SLC35A1: variants seen among roughly 807,000 people sequenced by gnomAD.
SLC35A1 encodes the protein CMP-sialic acid transporter.
SLC35A1 carries 21 observed loss-of-function variants against 40.3 expected under a neutral mutation model. The observed-to-expected ratio is 0.52, with a 90% CI of 0.37 to 0.75. SLC35A1 has a LOEUF of 0.75. SLC35A1 is among the 30% of genes least tolerant of loss of function. The probability of loss-of-function intolerance (pLI) is 0.00; values close to 1 mark genes in which losing one functional copy is unlikely to be tolerated. For synonymous variants in SLC35A1, 146 were observed against 147.3 expected, an observed-to-expected ratio of 0.99 and a Z score of 0.06; for missense variants, 297 against 382.1, an observed-to-expected ratio of 0.78 and a Z score of 1.86.
intron 2 of SLC35A1, among the ~76,000 whole-genome samples, chr6:87,492,030 G>A (rs1426869059): frequency 6.6e-6 from 1 of 152,176 alleles, no homozygotes; most frequent in East Asian, 1.9e-4. Flanking sequence ...GTGTGAACAT[G>A]TATAGAATTT....
intron 2 of SLC35A1, among the ~76,000 whole-genome samples, chr6:87,482,865 C>T (rs1339736082): frequency 6.6e-6 from 1 of 152,150 alleles, no homozygotes; most frequent in Non-Finnish European, 1.5e-5. Flanking sequence ...GGTGTGCTCA[C>T]AATGAGGTTT....
At chr6:87,499,239 A>G in intron 2 of SLC35A1, 1 of 445,676 alleles carries the variant, frequency 2.2e-6, no homozygotes, top group Non-Finnish European at 3.0e-6. Context: ...GCATTTAAAA[A>G]TGAAAAAATT....
chr6:87,499,216 A>G, intron 2 of SLC35A1: 4 of 608,762 alleles, frequency 6.6e-6, no homozygotes, highest in Non-Finnish European at 8.2e-6. Context: ...GAACTTGGGC[A>G]ATTATATTTG....
intron 1 of SLC35A1, among the ~76,000 whole-genome samples, chr6:87,473,570 A>G (rs1476280777): frequency 2.0e-5 from 3 of 152,166 alleles, no homozygotes; most frequent in Non-Finnish European, 4.4e-5. Context: ...AACAGTCGTT[A>G]ACAGTTCCCA....
At chr6:87,473,504 A>G (rs540930452) in intron 1 of SLC35A1, among the ~76,000 whole-genome samples, 1 of 152,338 alleles carries the variant, frequency 6.6e-6, no homozygotes, top group South Asian at 2.1e-4. Flanking sequence ...TGCAACAACC[A>G]CTAAAGACAT....
intron 2 of SLC35A1, 42 bp downstream of exon 2, chr6:87,477,581 C>T (rs950929302): frequency 2.7e-6 from 4 of 1,477,396 alleles, no homozygotes; most frequent in Non-Finnish European, 3.8e-6. Context: ...ATTTTTCTAC[C>T]TGGTGAGGGT....
chr6:87,501,349 G>T, intron 4 of SLC35A1, 39 bp downstream of exon 4: 1 of 1,591,800 alleles, frequency 6.3e-7, no homozygotes, highest in Non-Finnish European at 8.6e-7. Context: ...CCCATAAATA[G>T]AAAACTTCCT....
At chr6:87,478,276 T>A (rs1769132129) in intron 2 of SLC35A1, among the ~76,000 whole-genome samples, 2 of 152,234 alleles carry the variant, frequency 1.3e-5, no homozygotes, top group Admixed American at 1.3e-4. Context: ...AATCCTAGAC[T>A]GAGATTGTGG....
rs147299785 is a variant in SLC35A1, at chr6:87,475,409, A to G, written c.17-1953A>G. ...GTTATTGCTGTATATTTTTGAAGTCATATTTCTTCCCTTGTGTAGGAAAGT... is the reference window on the plus strand; with the variant it reads ...GTTATTGCTGTATATTTTTGAAGTCGTATTTCTTCCCTTGTGTAGGAAAGT... On this transcript the variant is annotated intron_variant, in intron 1 of 7. Coordinates refer to ENST00000369552, the MANE Select transcript of SLC35A1 (RefSeq NM_006416.5). 4.9e-3 allele frequency among the ~76,000 whole-genome samples: 742 copies of G among 152,324 alleles called. 3 individuals carry two copies. Among genetic ancestry groups the G allele is most frequent in the Non-Finnish European group, 8.5e-3 (576 of 68,024 alleles).
chr6:87,487,522 A>C (rs1307948287), intron 2 of SLC35A1, among the ~76,000 whole-genome samples: 1 of 152,176 alleles, frequency 6.6e-6, no homozygotes, highest in Non-Finnish European at 1.5e-5. Flanking sequence ...ACTTTATTTA[A>C]TGTACATTAT....
intron 4 of SLC35A1, among the ~76,000 whole-genome samples, chr6:87,503,711 CAATAAT>C (rs762381242): frequency 2.6e-5 from 4 of 151,988 alleles, no homozygotes; most frequent in Admixed American, 6.6e-5. Flanking sequence ...GACTCTGTTT[CAATAAT>C]AATAATAATA....
chr6:87,509,625 C>T (rs1029721899), intron 7 of SLC35A1, among the ~76,000 whole-genome samples: 6 of 152,082 alleles, frequency 3.9e-5, no homozygotes, highest in African/African-American at 1.4e-4. Context: ...TTGTACTTTC[C>T]AACTGCTTTG....
chr6:87,502,987 T>A (rs1044190876), intron 4 of SLC35A1, among the ~76,000 whole-genome samples: 3 of 152,166 alleles, frequency 2.0e-5, no homozygotes, highest in Non-Finnish European at 4.4e-5. Context: ...TAGCTTTGGG[T>A]CATTGCTCAG....
At position 87,495,125 on chromosome 6, in the gene SLC35A1, A is replaced by G. The variant is rs377077213; in HGVS notation, c.195-5383A>G. On this transcript the variant is annotated intron_variant, in intron 2 of 7. Transcript: ENST00000369552. ...GCTGGGATTATAGGTGCGTAGCACC[A>G]CACCCAGCTAATTTTGTAGACATGG... Among the ~76,000 whole-genome samples, 476 of 152,214 alleles carry G rather than the reference A, an allele frequency of 3.1e-3. 3 individuals carry two copies. Among genetic ancestry groups the G allele is most frequent in the South Asian group, 7.9e-3 (38 of 4,820 alleles).
chr6:87,511,612 C>A lies in SLC35A1; in HGVS notation c.*86C>A. ...AGTCAATCTCAGAAGGTAGCATAAACAAATAAAAATTAACTGTATGGCATG... is the reference window on the plus strand; with the variant it reads ...AGTCAATCTCAGAAGGTAGCATAAAAAAATAAAAATTAACTGTATGGCATG... On this transcript the variant is annotated 3_prime_UTR_variant, in exon 8 of 8. Coordinates refer to ENST00000369552, the MANE Select transcript of SLC35A1 (RefSeq NM_006416.5). The A allele has an allele frequency of 6.9e-7, 1 of 1,442,126 alleles. No individual in the cohort carries two copies. The highest frequency in any genetic ancestry group is 9.8e-7 in the Non-Finnish European group (1 of 1,025,292). 89.3% of individuals were successfully genotyped at this position (1,442,126 alleles called of 1,614,324 possible).
chr6:87,484,649 C>T (rs756568504), intron 2 of SLC35A1, among the ~76,000 whole-genome samples: 3 of 152,006 alleles, frequency 2.0e-5, no homozygotes, highest in Non-Finnish European at 2.9e-5. Flanking sequence ...GGAGAATGAA[C>T]AGGTAATCTG....
At position 87,509,143 on chromosome 6, in the gene SLC35A1, T is replaced by C; in HGVS notation, c.854T>C (p.Ile285Thr). ...GCAGCGGCCATTGTCCTTTCCACCA[T>C]TGCTTCAGTAATGCTGTTTGGATTA... is the stretch of plus-strand genomic sequence containing the variant. ...SAAAAIVLST[I>T]ASVMLFGLQI... The change falls in exon 7 of 8, where the codon ATT becomes ACT. Residue 285 changes from isoleucine to threonine, a missense_variant. Physicochemically the swap from Ile to Thr is moderately conservative, Grantham distance 89 (BLOSUM62 -1). Transcript: ENST00000369552. 14 of 1,614,166 alleles carry C rather than the reference T, an allele frequency of 8.7e-6. No individual in the cohort carries two copies. The highest frequency in any genetic ancestry group is 1.1e-5 in the Non-Finnish European group (13 of 1,179,980).
At position 87,511,702 on chromosome 6, in the gene SLC35A1, G is replaced by C. The variant is rs1351448837; in HGVS notation, c.*176G>C. 2.9e-6 allele frequency: 2 copies of C among 691,430 alleles called. No homozygotes were observed. Among genetic ancestry groups the C allele is most frequent in the East Asian group, 5.5e-5 (2 of 36,534 alleles). The allele number at this position is 691,430 out of a possible 1,614,324, so 42.8% of individuals were successfully genotyped here. A position where few individuals can be genotyped will look rare whatever the true frequency, so the allele number is the denominator to read the frequency against. ...GCTATCTGAGTGAACTGCTAATACA[G>C]AAACTTAATGTAGACCTGTTTGGGG... On this transcript the variant is annotated 3_prime_UTR_variant, in exon 8 of 8. Coordinates refer to ENST00000369552, the MANE Select transcript of SLC35A1 (RefSeq NM_006416.5).
rs1770281965 is a variant in SLC35A1 at position 87,511,733 on chromosome 6, T to C, written c.*207T>C. On this transcript the variant is annotated 3_prime_UTR_variant, in exon 8 of 8. Transcript: ENST00000369552. The stretch of plus-strand genomic sequence containing the variant: ...TAATGTAGACCTGTTTGGGGTCTAC[T>C]ATTGTTTTAGAATGAAGGAATTGTA... 1.7e-6 allele frequency: 1 copy of C among 592,208 alleles called. No homozygotes were observed. Among genetic ancestry groups the C allele is most frequent in the South Asian group, 1.9e-5 (1 of 52,790 alleles). 36.7% of individuals were successfully genotyped at this position (592,208 alleles called of 1,614,324 possible).
Sources: gnomAD v4.1 joint callset for allele counts (sites outside exome capture counted in the v4.1 genomes callset) on GRCh38, gnomAD v4.1.1 for gene constraint, MANE v1.5 for transcripts, NCBI Gene and HGNC (gene_info 2026-07-23, HGNC 2026-07-21) for gene names.